The following TMEM154 variants were observed in gnomAD, a reference collection of about 807,000 sequenced individuals.
The protein encoded by TMEM154 is transmembrane protein 154.
TMEM154 carries 27 observed loss-of-function variants against 24.5 expected under a neutral mutation model. The observed-to-expected ratio is 1.10, with a 90% CI of 0.81 to 1.52. The LOEUF (loss-of-function observed/expected upper bound fraction) is 1.52, where lower values mean the gene tolerates loss of function less well. Ranked by LOEUF, TMEM154 falls within the 40% of genes most tolerant of loss-of-function variation. The probability of loss-of-function intolerance (pLI) is 0.00; values close to 1 mark genes in which losing one functional copy is unlikely to be tolerated. For synonymous variants in TMEM154, 67 were observed against 76.8 expected (o/e 0.87, Z 0.67); for missense variants, 228 against 213.4 (o/e 1.07, Z -0.43).
At chr4:152,668,255 G>A (rs1050986122) in intron 1 of TMEM154, 4 of 149,940 alleles carry the variant, frequency 2.7e-5, no homozygotes, top group East Asian at 1.9e-4. Flanking sequence ...AAAGTTCTTC[G>A]TACCATCAAT....
At position 152,638,964 on chromosome 4, in the gene TMEM154, G is replaced by T. The variant is rs79608108; in HGVS notation, c.536+1964C>A. Among the ~76,000 whole-genome samples the T allele has an allele frequency of 2.1e-4, 31 of 148,552 alleles. 1 individual carries two copies. The highest frequency in any genetic ancestry group is 6.2e-4 in the African/African-American group (25 of 40,424). On this transcript the variant is annotated intron_variant, in intron 6 of 6. Coordinates refer to ENST00000304385, the MANE Select transcript of TMEM154 (RefSeq NM_152680.3). ...TTCAAAAATCTGACTTTTTTTTTTT[G>T]AAACAGAATTTCTTTCACTCTTGTT...
chr4:152,643,047 T>C (rs1233650974), intron 5 of TMEM154, 41 bp downstream of exon 5: 2 of 1,456,174 alleles, frequency 1.4e-6, no homozygotes, highest in South Asian at 2.3e-5. Context: ...CTTCTGTTAC[T>C]AGAGAGGAAA....
rs1048441648 is a variant in TMEM154 at position 152,678,721 on chromosome 4, T to G, written c.64+1149A>C. On this transcript the variant is annotated intron_variant, in intron 1 of 6. Coordinates refer to ENST00000304385, the MANE Select transcript of TMEM154 (RefSeq NM_152680.3). The stretch of plus-strand genomic sequence containing the variant: ...CCTTCCAGCTCCAAAACACTGGGCA[T>G]AAAACAACACATCAACTTCCAAACC... 1.1e-4 allele frequency among the ~76,000 whole-genome samples: 16 copies of G among 152,294 alleles called. 1 individual carries two copies. The East Asian group carries it at 2.9e-3, about 28-fold the overall frequency.
chr4:152,648,724 C>T (rs916713094), intron 3 of TMEM154, among the ~76,000 whole-genome samples: 1 of 152,146 alleles, frequency 6.6e-6, no homozygotes, highest in African/African-American at 2.4e-5. Flanking sequence ...GCTTTTGAAC[C>T]TTGAGACTTT....
At chr4:152,637,497 A>G (rs1416590484) in intron 6 of TMEM154, among the ~76,000 whole-genome samples, 2 of 152,132 alleles carry the variant, frequency 1.3e-5, no homozygotes, top group Non-Finnish European at 2.9e-5. Context: ...GTTAGCCAAG[A>G]TTGCACCATT....
chr4:152,679,323 C>G (rs114880260), intron 1 of TMEM154, among the ~76,000 whole-genome samples: 5,170 of 150,298 alleles, frequency 0.034, 293 homozygotes, highest in African/African-American at 0.12. Context: ...TGTTAGAGGG[C>G]TACCCTCTAA....
intron 1 of TMEM154, among the ~76,000 whole-genome samples, chr4:152,671,424 T>C (rs1728833941): frequency 6.6e-6 from 1 of 152,042 alleles, no homozygotes; most frequent in African/African-American, 2.4e-5. Flanking sequence ...GAGATGAGAC[T>C]AGAGGCAAGA....
At chr4:152,644,285 C>T (rs774561870) in intron 4 of TMEM154, 130 bp downstream of exon 4, 39 of 1,016,806 alleles carry the variant, frequency 3.8e-5, no homozygotes, top group Non-Finnish European at 5.8e-5. Context: ...TGCCAAGGAT[C>T]TCCAACCCCG....
At position 152,667,277 on chromosome 4, in the gene TMEM154, C is replaced by T. The variant is rs1258279394; in HGVS notation, c.64+12593G>A. On this transcript the variant is annotated intron_variant, in intron 1 of 6. Coordinates refer to ENST00000304385, the MANE Select transcript of TMEM154 (RefSeq NM_152680.3). The stretch of plus-strand genomic sequence containing the variant: ...CAACTTCCTTTCTGTCATACATACA[C>T]GGTGTATCTCTAGTCACAAAGAAAG... Among the ~76,000 whole-genome samples the T allele has an allele frequency of 4.6e-5, 7 of 152,176 alleles. No individual in the cohort carries two copies. In the South Asian group the frequency reaches 1.2e-3, roughly 27 times the overall value.
intron 6 of TMEM154, among the ~76,000 whole-genome samples, chr4:152,640,433 C>G (rs540298982): frequency 1.3e-5 from 2 of 152,314 alleles, no homozygotes; most frequent in Non-Finnish European, 2.9e-5. Flanking sequence ...GAATGCTAAA[C>G]TATACACCCA....
chr4:152,660,284 G>A (rs1728573912), intron 1 of TMEM154, among the ~76,000 whole-genome samples: 1 of 152,062 alleles, frequency 6.6e-6, no homozygotes, highest in Non-Finnish European at 1.5e-5. Context: ...GGTTGGGTGT[G>A]GGGTGGGGAA....
chr4:152,671,178 A>T (rs900764144), intron 1 of TMEM154, among the ~76,000 whole-genome samples: 1 of 151,938 alleles, frequency 6.6e-6, no homozygotes, highest in Non-Finnish European at 1.5e-5. Context: ...CAGTGGCCCA[A>T]CAGAGCTTGG....
At position 152,628,473 on chromosome 4, in the gene TMEM154, C is replaced by T; in HGVS notation, c.*73G>A. ...AAATTAATTAAATTTGTATCCTCTT[C>T]ATCCTCTGTTGGCAGCCTCAGCAGA... On this transcript the variant is annotated 3_prime_UTR_variant, in exon 7 of 7. Transcript: ENST00000304385. The T allele has an allele frequency of 3.3e-6, 5 of 1,524,484 alleles. No homozygotes were observed. In the Admixed American group the frequency reaches 7.1e-5, roughly 22 times the overall value. 94.4% of individuals were successfully genotyped at this position (1,524,484 alleles called of 1,614,324 possible). A position where few individuals can be genotyped will look rare whatever the true frequency, so the allele number is the denominator to read the frequency against.
chr4:152,676,702 A>T (rs760218671), intron 1 of TMEM154, among the ~76,000 whole-genome samples: 1 of 152,212 alleles, frequency 6.6e-6, no homozygotes, highest in Non-Finnish European at 1.5e-5. Flanking sequence ...AAAATAAGAT[A>T]TGAGATACCA....
intron 3 of TMEM154, chr4:152,647,174 C>G: frequency 1.0e-6 from 1 of 983,384 alleles, no homozygotes; most frequent in Non-Finnish European, 1.2e-6. Flanking sequence ...TATAACAGAC[C>G]AGGCTCTACC....
At chr4:152,651,670 T>C (rs1030296877) in intron 3 of TMEM154, among the ~76,000 whole-genome samples, 1 of 152,240 alleles carries the variant, frequency 6.6e-6, no homozygotes, top group Non-Finnish European at 1.5e-5. Flanking sequence ...TTTCTCTATA[T>C]CAACAATAAT....
Position 152,652,570 on chromosome 4 carries a change from G to C in TMEM154, c.332C>G (p.Ser111Cys). ...YKRKRTKQEP[S>C]SQGSQSALQT... ...TAAAGCACTCTGAGATCCTTGGCTA[G>C]AAGGTTCTGTATCAAAGCAAAGAAT... The change falls in exon 3 of 7, where the codon TCT (serine) becomes TGT (cysteine). Residue 111 changes from serine (S) to cysteine (C), a missense_variant. Coordinates refer to ENST00000304385, the MANE Select transcript of TMEM154 (RefSeq NM_152680.3). 6.2e-7 allele frequency: 1 copy of C among 1,613,922 alleles called. No homozygotes were observed. Among genetic ancestry groups the C allele is most frequent in the East Asian group, 2.2e-5 (1 of 44,854 alleles).
chr4:152,630,819 T>C (rs1463757248), intron 6 of TMEM154, among the ~76,000 whole-genome samples: 3 of 152,248 alleles, frequency 2.0e-5, no homozygotes, highest in Non-Finnish European at 2.9e-5. Flanking sequence ...TTTTCTGTGA[T>C]AATGATATAT....
At chr4:152,661,221 C>T (rs1012213868) in intron 1 of TMEM154, among the ~76,000 whole-genome samples, 1 of 149,194 alleles carries the variant, frequency 6.7e-6, no homozygotes, top group Non-Finnish European at 1.5e-5. Flanking sequence ...CATTAAGCAT[C>T]ATTTGCTCTC....
Sources: gnomAD v4.1 joint callset for allele counts (sites outside exome capture counted in the v4.1 genomes callset) on GRCh38, gnomAD v4.1.1 for gene constraint, MANE v1.5 for transcripts, NCBI Gene and HGNC (gene_info 2026-07-23, HGNC 2026-07-21) for gene names.